Variants in MAP3K13 observed in about 807,000 individuals in gnomAD.
MAP3K13 encodes mitogen-activated protein kinase kinase kinase 13.
Under a neutral mutation model 104.0 loss-of-function variants are expected in MAP3K13, and 52 were observed. The observed-to-expected ratio is 0.50, with a 90% CI of 0.40 to 0.63. The LOEUF is 0.63. Ranked by LOEUF, MAP3K13 falls within the 20% of genes least tolerant of loss-of-function variation. The pLI, the probability that MAP3K13 is intolerant of heterozygous loss-of-function variation, is 0.00. For synonymous variants in MAP3K13, 394 were observed against 442.2 expected, an observed-to-expected ratio of 0.89 and a Z score of 1.37; for missense variants, 914 against 1,218.5, an observed-to-expected ratio of 0.75 and a Z score of 3.72.
chr3:185,417,896 T>C, intron 1 of MAP3K13: 2 of 1,604,144 alleles, frequency 1.2e-6, no homozygotes, highest in Non-Finnish European at 1.7e-6. Context: ...ATCTCTGGGC[T>C]TTTCAAGATT....
At chr3:185,454,964 GAGAT>G (rs1716333151) in intron 7 of MAP3K13, among the ~76,000 whole-genome samples, 1 of 85,650 alleles carries the variant, frequency 1.2e-5, no homozygotes, top group Non-Finnish European at 2.1e-5. Context: ...ATATATATAT[GAGAT>G]ATATATATGA....
chr3:185,313,505 G>A (rs1019086844), intron 2 of MAP3K13, among the ~76,000 whole-genome samples: 1 of 151,814 alleles, frequency 6.6e-6, no homozygotes, highest in Non-Finnish European at 1.5e-5. Context: ...TCTTCACCTC[G>A]TGATCTGCCC....
At chr3:185,394,955 A>G (rs1241506284) in intron 1 of MAP3K13, among the ~76,000 whole-genome samples, 1 of 152,214 alleles carries the variant, frequency 6.6e-6, no homozygotes, top group Non-Finnish European at 1.5e-5. Flanking sequence ...AGAAAAATGT[A>G]AGCATAATAG....
At chr3:185,434,964 C>T (rs1201945886) in intron 2 of MAP3K13, among the ~76,000 whole-genome samples, 2 of 151,894 alleles carry the variant, frequency 1.3e-5, no homozygotes, top group Admixed American at 6.6e-5. Flanking sequence ...CAAAATGACA[C>T]TGAGGTTTTT....
intron 2 of MAP3K13, among the ~76,000 whole-genome samples, chr3:185,289,629 A>G (rs1005704159): frequency 3.9e-5 from 6 of 152,176 alleles, no homozygotes; most frequent in Non-Finnish European, 5.9e-5. Flanking sequence ...AACCATGAAG[A>G]GTCCAGGTGC....
chr3:185,396,430 A>C (rs1712426139), intron 1 of MAP3K13, among the ~76,000 whole-genome samples: 1 of 152,150 alleles, frequency 6.6e-6, no homozygotes, highest in Non-Finnish European at 1.5e-5. Context: ...TGGTGATAAA[A>C]GCATTTGAAG....
In MAP3K13 at chr3:185,363,136, A is replaced by G. The variant is rs1236553124; in HGVS notation, c.-318A>G. On this transcript the variant is annotated 5_prime_UTR_variant, in exon 1 of 14. It removes an upstream start codon present in the reference 5' UTR. Coordinates refer to ENST00000265026, the MANE Select transcript of MAP3K13 (RefSeq NM_004721.5). ...TGGACCCGCCCCTCTTTTTTTTTTC[A>G]TGACACACACCACAGCGAAGTCTGT... 2.0e-6 allele frequency: 2 copies of G among 982,934 alleles called. No individual in the cohort carries two copies. Among genetic ancestry groups the G allele is most frequent in the African/African-American group, 1.8e-5 (1 of 56,350 alleles). The allele number at this position is 982,934 out of a possible 1,614,324, so 60.9% of individuals were successfully genotyped here. A position where few individuals can be genotyped will look rare whatever the true frequency, so the allele number is the denominator to read the frequency against.
chr3:185,300,390 T>C (rs953863062), intron 2 of MAP3K13, among the ~76,000 whole-genome samples: 3 of 151,910 alleles, frequency 2.0e-5, no homozygotes, highest in African/African-American at 7.3e-5. Context: ...GTTTCACTTG[T>C]CTCGAACTCC....
At position 185,450,035 on chromosome 3, in the gene MAP3K13, C is replaced by T. The variant is rs764631736; in HGVS notation, c.1146C>T (p.Phe382=). The T allele has an allele frequency of 1.1e-5, 17 of 1,611,804 alleles. No individual in the cohort carries two copies. The highest frequency in any genetic ancestry group is 1.7e-5 in the Admixed American group (1 of 59,560). The change falls in exon 6 of 14, where the codon TTC becomes TTT. Residue 382 remains phenylalanine, a synonymous_variant. Transcript: ENST00000265026. The surrounding 1 kb of genome is among the most constrained non-coding windows in gnomAD (Gnocchi z 4.2). Reference sequence around the variant, plus strand: ...TTCCTTCCACTTGCCCTGATGGATTCAAAATCCTTATGAAACAGACGTGGT... The same window carrying T: ...TTCCTTCCACTTGCCCTGATGGATTTAAAATCCTTATGAAACAGACGTGGT... The part of the protein sequence containing the change: ...LPVPSTCPDG[F]KILMKQTWQS...
intron 7 of MAP3K13, among the ~76,000 whole-genome samples, chr3:185,462,830 G>A (rs1438503661): frequency 1.3e-5 from 2 of 152,090 alleles, no homozygotes. Flanking sequence ...CAAAGCCTAG[G>A]TGAATGTCAG....
intron 1 of MAP3K13, among the ~76,000 whole-genome samples, chr3:185,405,928 A>T (rs1713090758): frequency 6.6e-6 from 1 of 152,234 alleles, no homozygotes; most frequent in South Asian, 2.1e-4. Context: ...GAACTGGAAA[A>T]GCACTGAGTG....
In MAP3K13 at chr3:185,450,019, C is replaced by G; in HGVS notation, c.1130C>G (p.Thr377Ser). Residue 377 changes from threonine to serine, a missense_variant, in exon 6 of 14, where the codon ACT (threonine) becomes AGT (serine). Coordinates refer to ENST00000265026, the MANE Select transcript of MAP3K13 (RefSeq NM_004721.5). The surrounding 1 kb of genome is among the most constrained non-coding windows in gnomAD (Gnocchi z 4.2). The stretch of plus-strand genomic sequence containing the variant: ...AGCCTCCACCTTCCAGTTCCTTCCA[C>G]TTGCCCTGATGGATTCAAAATCCTT... ...SNSLHLPVPS[T>S]CPDGFKILMK... The G allele has an allele frequency of 6.2e-7, 1 of 1,613,194 alleles. No homozygotes were observed. Among genetic ancestry groups the G allele is most frequent in the Non-Finnish European group, 8.5e-7 (1 of 1,179,670 alleles).
In MAP3K13 at chr3:185,425,443, A is replaced by G. The variant is rs574540071; in HGVS notation, c.-85-3054A>G. Among the ~76,000 whole-genome samples the G allele has an allele frequency of 4.6e-5, 7 of 152,204 alleles. No homozygotes were observed. The South Asian group carries it at 1.5e-3, about 32-fold the overall frequency. On this transcript the variant is annotated intron_variant, in intron 1 of 13. Coordinates refer to ENST00000265026, the MANE Select transcript of MAP3K13 (RefSeq NM_004721.5). ...TCAATTACTAGATCTTACTAATTCT[A>G]CCTCTTAAATCTTTCCTGTTCTCTT... is the stretch of plus-strand genomic sequence containing the variant.
intron 1 of MAP3K13, among the ~76,000 whole-genome samples, chr3:185,379,955 G>T (rs996578932): frequency 6.6e-6 from 1 of 152,118 alleles, no homozygotes; most frequent in East Asian, 1.9e-4. Context: ...GGGGGCCGAG[G>T]CGGGTGGATC....
intron 2 of MAP3K13, among the ~76,000 whole-genome samples, chr3:185,289,814 A>G (rs1255608671): frequency 1.3e-5 from 2 of 152,224 alleles, no homozygotes; most frequent in East Asian, 3.8e-4. Flanking sequence ...TATTGAAGAA[A>G]GGAAGAATAC....
chr3:185,374,362 G>T (rs1724316086), intron 1 of MAP3K13, among the ~76,000 whole-genome samples: 1 of 152,162 alleles, frequency 6.6e-6, no homozygotes, highest in Non-Finnish European at 1.5e-5. Context: ...CTTCGAGCGG[G>T]ATTAGGGGCG....
At chr3:185,293,114 C>T (rs1398146365) in intron 2 of MAP3K13, 4 of 887,982 alleles carry the variant, frequency 4.5e-6, no homozygotes, top group African/African-American at 3.6e-5. Context: ...TTTTCCTTTT[C>T]CTTTTTCTTT....
At chr3:185,467,781 CAA>C (rs1170149474) in intron 10 of MAP3K13, among the ~76,000 whole-genome samples, 33 of 58,188 alleles carry the variant, frequency 5.7e-4, no homozygotes, top group East Asian at 1.7e-3. Context: ...GACTCTGTCT[CAA>C]AAAAAAAAAA....
intron 1 of MAP3K13, among the ~76,000 whole-genome samples, chr3:185,400,136 T>C (rs1712705618): frequency 6.6e-6 from 1 of 152,046 alleles, no homozygotes; most frequent in Non-Finnish European, 1.5e-5. Context: ...AAGAAAAAAA[T>C]CCTCGAATCC....
Sources: gnomAD v4.1 joint callset for allele counts (sites outside exome capture counted in the v4.1 genomes callset) on GRCh38, gnomAD v4.1.1 for gene constraint, Gnocchi (gnomAD v3.1) non-coding constraint, MANE v1.5 for transcripts, NCBI Gene and HGNC (gene_info 2026-07-23, HGNC 2026-07-21) for gene names.